Variants in POLR3H observed in about 807,000 individuals in gnomAD.
POLR3H encodes the protein RNA polymerase III subunit H, also known as DNA-directed RNA polymerase III subunit RPC8.
POLR3H carries 17 observed loss-of-function variants against 25.5 expected under a neutral mutation model. That is an observed-to-expected ratio of 0.67 (90% CI 0.46 to 1.00). The LOEUF (loss-of-function observed/expected upper bound fraction) is 1.00. Ranked by LOEUF, POLR3H falls within the 50% of genes least tolerant of loss-of-function variation. The pLI, the probability that POLR3H is intolerant of heterozygous loss-of-function variation, is 0.00. For synonymous variants in POLR3H, 129 were observed against 103.0 expected, an observed-to-expected ratio of 1.25 and a Z score of -1.53; for missense variants, 274 against 265.0, an observed-to-expected ratio of 1.03 and a Z score of -0.24.
chr22:41,532,231 T>C (rs147563069), intron 3 of POLR3H, 74 bp from the exon 4 acceptor site: 28 of 1,466,488 alleles, frequency 1.9e-5, no homozygotes, highest in Non-Finnish European at 2.6e-5. Context: ...GGTCTTATGC[T>C]TGACAGGCAA....
intron 2 of POLR3H, among the ~76,000 whole-genome samples, chr22:41,536,663 C>CA (rs2066853216): frequency 6.6e-6 from 1 of 150,806 alleles, no homozygotes; most frequent in Admixed American, 6.6e-5. Context: ...GTCAGGAGTT[C>CA]AAGACTATTC....
In POLR3H at chr22:41,540,744, CCA is replaced by C. The variant is rs2066915557; in HGVS notation, c.161_162del (p.Leu54ArgfsTer29). 1 of 1,614,054 alleles carries C rather than the reference CCA, an allele frequency of 6.2e-7. No homozygotes were observed. Among genetic ancestry groups the C allele is most frequent in the South Asian group, 1.1e-5 (1 of 91,090 alleles). On this transcript the variant is annotated frameshift_variant, in exon 2 of 6. Transcript: ENST00000355209. LOFTEE classifies it high-confidence loss of function. Reference sequence around the variant, plus strand: ...TCCCCAGGGAATACATAGGCATCCTCCAGTTTGGTGATATCAAACAGACAAAT... The same window carrying C: ...TCCCCAGGGAATACATAGGCATCCTCGTTTGGTGATATCAAACAGACAAAT... ...LCICLFDITKLEDAYVFPGDG... is the reference protein window; with the variant it reads ...LCICLFDITKXEDAYVFPGDG...
At chr22:41,532,629 T>G in intron 3 of POLR3H, 30 bp downstream of exon 3, 1 of 1,613,848 alleles carries the variant, frequency 6.2e-7, no homozygotes, top group East Asian at 2.2e-5. Flanking sequence ...TGTTCCCAAG[T>G]CTTGTCTGAG....
chr22:41,526,151 CCT>C lies in POLR3H; in HGVS notation c.*3130_*3131del, dbSNP rs2066590383. The C allele has an allele frequency of 1.9e-5, 18 of 927,856 alleles. No individual in the cohort carries two copies. Among genetic ancestry groups the C allele is most frequent in the African/African-American group, 3.3e-5 (2 of 60,192 alleles). The allele number at this position is 927,856 out of a possible 1,614,324, so 57.5% of individuals were successfully genotyped here. On this transcript the variant is annotated 3_prime_UTR_variant, in exon 6 of 6. Transcript: ENST00000355209. ...TCTGAAGACTTGCCTGCCTCTCACC[CCT>C]CTGTCACCCCTCCTGGGCCCCGGGG...
In POLR3H at chr22:41,528,774, G is replaced by T. The variant is rs55968005; in HGVS notation, c.*509C>A. ...CACGGAGTGACTGTGGTTGTGGTGG[G>T]GGGGTTCTTAAAATAACTTTTTAGC... is the stretch of plus-strand genomic sequence containing the variant. On this transcript the variant is annotated 3_prime_UTR_variant, in exon 6 of 6. Coordinates refer to ENST00000355209, the MANE Select transcript of POLR3H (RefSeq NM_001018050.4). 2,796 of 1,083,130 alleles carry T rather than the reference G, an allele frequency of 2.6e-3. 52 individuals are homozygous for T. In the African/African-American group the frequency reaches 0.04, roughly 16 times the overall value. The allele number at this position is 1,083,130 out of a possible 1,614,324, so 67.1% of individuals were successfully genotyped here.
At chr22:41,538,560 G>A (rs1029732054) in intron 2 of POLR3H, among the ~76,000 whole-genome samples, 6 of 152,044 alleles carry the variant, frequency 3.9e-5, no homozygotes, top group African/African-American at 1.2e-4. Flanking sequence ...ACACCCGGCC[G>A]CAACTTGACT....
intron 3 of POLR3H, 77 bp from the exon 4 acceptor site, chr22:41,532,234 A>G: frequency 6.9e-7 from 1 of 1,444,228 alleles, no homozygotes; most frequent in Non-Finnish European, 9.7e-7. Context: ...CTTATGCTTG[A>G]CAGGCAAGCC....
At chr22:41,532,301 A>G in intron 3 of POLR3H, 144 bp from the exon 4 acceptor site, 1 of 805,622 alleles carries the variant, frequency 1.2e-6, no homozygotes, top group East Asian at 2.6e-5. Context: ...CCCCTTCCCC[A>G]CCTAATGCCT....
In POLR3H at chr22:41,526,622, A is replaced by G; in HGVS notation, c.*2661T>C. 1.5e-6 allele frequency: 1 copy of G among 664,548 alleles called. No homozygotes were observed. The highest frequency in any genetic ancestry group is 4.3e-4 in the Middle Eastern group (1 of 2,300). The allele number at this position is 664,548 out of a possible 1,614,324, so 41.2% of individuals were successfully genotyped here. The stretch of plus-strand genomic sequence containing the variant: ...CCTGCAGCCCCTCCCTGTGGCTGAG[A>G]AGGCATGAGGCCCAGGTCCGGTGGT... On this transcript the variant is annotated 3_prime_UTR_variant, in exon 6 of 6. Coordinates refer to ENST00000355209, the MANE Select transcript of POLR3H (RefSeq NM_001018050.4).
Position 41,540,731 on chromosome 22 carries a change from A to G in POLR3H, c.176T>C (p.Val59Ala). The G allele has an allele frequency of 1.2e-6, 2 of 1,614,164 alleles. No individual in the cohort carries two copies. Among genetic ancestry groups the G allele is most frequent in the Non-Finnish European group, 1.7e-6 (2 of 1,179,988 alleles). ...GTGTGATGCGCCATCCCCAGGGAAT[A>G]CATAGGCATCCTCCAGTTTGGTGAT... is the stretch of plus-strand genomic sequence containing the variant. ...FDITKLEDAY[V>A]FPGDGASHTK... Residue 59 changes from valine (V) to alanine (A), a missense_variant, in exon 2 of 6, where the codon GTA becomes GCA. Physicochemically the swap from Val to Ala is moderately conservative, Grantham distance 64. Transcript: ENST00000355209.
Position 41,526,555 on chromosome 22 carries a change from C to A in POLR3H, c.*2728G>T. On this transcript the variant is annotated 3_prime_UTR_variant, in exon 6 of 6. Transcript: ENST00000355209. ...AGGGGAGTGGAAACTGGGAAGGAGG[C>A]CGACCAAGCCCAAAGGGGACTGCTG... is the stretch of plus-strand genomic sequence containing the variant. 1.5e-6 allele frequency: 2 copies of A among 1,324,638 alleles called. No homozygotes were observed. The highest frequency in any genetic ancestry group is 1.0e-6 in the Non-Finnish European group (1 of 974,570). The allele number at this position is 1,324,638 out of a possible 1,614,324, so 82.1% of individuals were successfully genotyped here.
chr22:41,543,661 C>A (rs1017358000), intron 1 of POLR3H: 7 of 440,402 alleles, frequency 1.6e-5, no homozygotes, highest in Non-Finnish European at 3.1e-5. Context: ...ACAACAACAA[C>A]AACAAAAACA....
chr22:41,527,852 T>G lies in POLR3H; in HGVS notation c.*1431A>C. ...CCCAGATGGGTTCAGAAAATGAAGC[T>G]CTCCAGGCTAGTCAGGCCCCCGATG... On this transcript the variant is annotated 3_prime_UTR_variant, in exon 6 of 6. Coordinates refer to ENST00000355209, the MANE Select transcript of POLR3H (RefSeq NM_001018050.4). 1 of 1,613,402 alleles carries G rather than the reference T, an allele frequency of 6.2e-7. No homozygotes were observed. Among genetic ancestry groups the G allele is most frequent in the African/African-American group, 1.3e-5 (1 of 74,954 alleles).
chr22:41,544,313 G>A lies in POLR3H; in HGVS notation c.-212C>T, dbSNP rs975974475. On this transcript the variant is annotated 5_prime_UTR_variant, in exon 1 of 6. The change creates a new upstream start codon in the 5' untranslated region. Coordinates refer to ENST00000355209, the MANE Select transcript of POLR3H (RefSeq NM_001018050.4). ...CTGAGGCCAGAGGGAGGCACTCTCCGTCCACAGCTCCGGGTGCGCGCCCGC... is the reference window on the plus strand; with the variant it reads ...CTGAGGCCAGAGGGAGGCACTCTCCATCCACAGCTCCGGGTGCGCGCCCGC... 6.3e-6 allele frequency: 3 copies of A among 477,294 alleles called. No homozygotes were observed. The highest frequency in any genetic ancestry group is 3.9e-5 in the Admixed American group (1 of 25,324). The allele number at this position is 477,294 out of a possible 1,614,324, so 29.6% of individuals were successfully genotyped here. A position where few individuals can be genotyped will look rare whatever the true frequency, so the allele number is the denominator to read the frequency against.
rs200474012 is a variant in POLR3H, at chr22:41,544,063, G to A, written c.39C>T (p.Ile13=). 55 of 1,613,666 alleles carry A rather than the reference G, an allele frequency of 3.4e-5. No individual in the cohort carries two copies. Among genetic ancestry groups the A allele is most frequent in the Middle Eastern group, 3.3e-4 (2 of 6,082 alleles). ...VLVEMVDTVR[I]PPWQFERKLN... is the part of the protein sequence containing the mutation. ...GCTTCCTCTCAAACTGCCAAGGGGG[G>A]ATCCGGACGGTGTCCACCATTTCCA... Residue 13 remains isoleucine, a synonymous_variant, in exon 1 of 6, where the codon ATC becomes ATT. Transcript: ENST00000355209.
In POLR3H at chr22:41,533,816, C is replaced by A. The variant is rs1019094613; in HGVS notation, c.209-1071G>T. On this transcript the variant is annotated intron_variant, in intron 2 of 5. Coordinates refer to ENST00000355209, the MANE Select transcript of POLR3H (RefSeq NM_001018050.4). ...ACAGATGGAAAAACCCTGTCCCCCA[C>A]ATGGCCCAACATTCAGTTTGGTTTA... The A allele has an allele frequency of 1.8e-5, 13 of 739,588 alleles. No homozygotes were observed. The South Asian group carries it at 2.0e-4, about 11-fold the overall frequency. The allele number at this position is 739,588 out of a possible 1,614,324, so 45.8% of individuals were successfully genotyped here.
chr22:41,526,063 A>G lies in POLR3H; in HGVS notation c.*3220T>C. On this transcript the variant is annotated 3_prime_UTR_variant, in exon 6 of 6. Coordinates refer to ENST00000355209, the MANE Select transcript of POLR3H (RefSeq NM_001018050.4). ...TGAGCAGCCAGAGGCCTTTGAGGGG[A>G]TGAAGGCCTGGCCTGAGCCCATGTG... The G allele has an allele frequency of 1.9e-6, 1 of 538,576 alleles. No homozygotes were observed. The highest frequency in any genetic ancestry group is 3.3e-6 in the Non-Finnish European group (1 of 304,052). The allele number at this position is 538,576 out of a possible 1,614,324, so 33.4% of individuals were successfully genotyped here. A position where few individuals can be genotyped will look rare whatever the true frequency, so the allele number is the denominator to read the frequency against.
In POLR3H at chr22:41,528,232, C is replaced by G; in HGVS notation, c.*1051G>C. On this transcript the variant is annotated 3_prime_UTR_variant, in exon 6 of 6. Transcript: ENST00000355209. ...CGGGGCCCTCACACCTCCCCAACCT[C>G]CCTTTACTCACCAGGACCTGGCACT... 1.2e-6 allele frequency: 1 copy of G among 843,386 alleles called. No homozygotes were observed. The highest frequency in any genetic ancestry group is 1.8e-6 in the Non-Finnish European group (1 of 556,934). The allele number at this position is 843,386 out of a possible 1,614,324, so 52.2% of individuals were successfully genotyped here. A position where few individuals can be genotyped will look rare whatever the true frequency, so the allele number is the denominator to read the frequency against.
intron 4 of POLR3H, 102 bp from the exon 5 acceptor site, chr22:41,530,990 C>T: frequency 8.8e-7 from 1 of 1,139,020 alleles, no homozygotes; most frequent in Non-Finnish European, 1.3e-6. Flanking sequence ...AGGGTGAGAT[C>T]ACTGTGGCTG....
Sources: gnomAD v4.1 joint callset for allele counts (sites outside exome capture counted in the v4.1 genomes callset) on GRCh38, gnomAD v4.1.1 for gene constraint, MANE v1.5 for transcripts, NCBI Gene and HGNC (gene_info 2026-07-23, HGNC 2026-07-21) for gene names.